The following TRIO variants were observed in gnomAD, a reference collection of about 807,000 sequenced individuals.
The protein encoded by TRIO is triple functional domain protein.
Under a neutral mutation model 351.9 loss-of-function variants are expected in TRIO, and 58 were observed. That is an observed-to-expected ratio of 0.16 (90% CI 0.13 to 0.21). The LOEUF is 0.21. TRIO is among the 10% of genes least tolerant of loss of function. The pLI is 1.00. For missense variants in TRIO, 3,201 were observed against 4,027.8 expected (o/e 0.79, Z 5.56); for synonymous variants, 1,758 against 1,595.7 (o/e 1.10, Z -2.42).
chr5:14,479,192 C>A, intron 41 of TRIO, 69 bp from the exon 42 acceptor site: 1 of 1,286,250 alleles, frequency 7.8e-7, no homozygotes, highest in Non-Finnish European at 1.1e-6. Context: ...CTGAAATGTG[C>A]GGGTACTCGT....
chr5:14,290,280 C>T (rs558907436), intron 4 of TRIO, among the ~76,000 whole-genome samples: 8 of 152,294 alleles, frequency 5.3e-5, no homozygotes, highest in African/African-American at 1.4e-4. Flanking sequence ...TAGTAGAAAA[C>T]CTCCACAGAG....
At chr5:14,241,065 C>A (rs1794098211) in intron 1 of TRIO, among the ~76,000 whole-genome samples, 1 of 152,128 alleles carries the variant, frequency 6.6e-6, no homozygotes, top group Non-Finnish European at 1.5e-5. Context: ...AAAAATGCTA[C>A]TTTGATTCTC....
intron 8 of TRIO, among the ~76,000 whole-genome samples, chr5:14,315,840 T>A (rs1739337717): frequency 6.6e-6 from 1 of 152,252 alleles, no homozygotes; most frequent in Non-Finnish European, 1.5e-5. Flanking sequence ...ACCCGAATAC[T>A]TTCATTTAAT....
Position 14,508,196 on chromosome 5 carries a change from C to T in TRIO, c.9068C>T (p.Ala3023Val), listed in dbSNP as rs1215074455. Reference sequence around the variant, plus strand: ...TACTTTAAAGGAGTGAGCCAGAAGGCCAAGGAGTTCGTGTGCTTCCTCCTG... The same window carrying T: ...TACTTTAAAGGAGTGAGCCAGAAGGTCAAGGAGTTCGTGTGCTTCCTCCTG... ...DDYFKGVSQK[A>V]KEFVCFLLQE... The change falls in exon 57 of 57, where the codon GCC becomes GTC. Residue 3023 changes from alanine (A) to valine (V), a missense_variant. Ala to Val is a moderately conservative substitution (Grantham distance 64). Around this residue, in one of 19 missense-constraint regions of TRIO, gnomAD observed 233 missense variants for 292.6 expected, o/e 0.80. Coordinates refer to ENST00000344204, the MANE Select transcript of TRIO (RefSeq NM_007118.4). 1.2e-6 allele frequency: 2 copies of T among 1,613,978 alleles called. No individual in the cohort carries two copies. The highest frequency in any genetic ancestry group is 2.2e-5 in the South Asian group (2 of 91,092).
At position 14,359,369 on chromosome 5, in the gene TRIO, C is replaced by G. The variant is rs917571624; in HGVS notation, c.2229C>G (p.Ile743Met). The change falls in exon 13 of 57, where the codon ATC (isoleucine) becomes ATG (methionine). Residue 743 changes from isoleucine to methionine, a missense_variant. Around this residue, in one of 19 missense-constraint regions of TRIO, gnomAD observed 363 missense variants for 553.5 expected, o/e 0.66. Transcript: ENST00000344204. The part of the protein sequence containing the change: ...DLIQQLRDSA[I>M]SSNKTPHNSS... ...TGTGCTCTCGCAGGGACTCTGCCAT[C>G]TCCAGTAACAAGACCCCCCACAACA... 1 of 1,612,984 alleles carries G rather than the reference C, an allele frequency of 6.2e-7. No homozygotes were observed. The highest frequency in any genetic ancestry group is 8.5e-7 in the Non-Finnish European group (1 of 1,179,096).
At position 14,157,079 on chromosome 5, in the gene TRIO, A is replaced by T. The variant is rs146042124; in HGVS notation, c.157+13197A>T. The stretch of plus-strand genomic sequence containing the variant: ...GCCAGTGAGAATGGGTGTGTAGAGG[A>T]GGATGGGTCGAGCGGACCTTTCTCA... On this transcript the variant is annotated intron_variant, in intron 1 of 56. Coordinates refer to ENST00000344204, the MANE Select transcript of TRIO (RefSeq NM_007118.4). Among the ~76,000 whole-genome samples the T allele has an allele frequency of 5.4e-3, 809 of 148,868 alleles. 13 individuals carry two copies. Among genetic ancestry groups the T allele is most frequent in the African/African-American group, 0.019 (766 of 40,436 alleles).
chr5:14,219,872 C>T (rs1273647388), intron 1 of TRIO, among the ~76,000 whole-genome samples: 1 of 151,678 alleles, frequency 6.6e-6, no homozygotes, highest in Non-Finnish European at 1.5e-5. Flanking sequence ...CTAAAAGATG[C>T]CCTAAAATAG....
chr5:14,143,537 C>G lies in TRIO; in HGVS notation c.-189C>G, dbSNP rs1448154597. Reference sequence around the variant, plus strand: ...GCTCGCGGCTACCGGGCGGAGTCCTCGTCTATGTGGGCGCGCTCCTTGGGC... The same window carrying G: ...GCTCGCGGCTACCGGGCGGAGTCCTGGTCTATGTGGGCGCGCTCCTTGGGC... On this transcript the variant is annotated 5_prime_UTR_variant, in exon 1 of 57. Transcript: ENST00000344204. 6.8e-6 allele frequency among the ~76,000 whole-genome samples: 1 copy of G among 147,280 alleles called. No individual in the cohort carries two copies.
At position 14,388,662 on chromosome 5, in the gene TRIO, C is replaced by G. The variant is rs1366279708; in HGVS notation, c.3931C>G (p.Leu1311Val). The change falls in exon 24 of 57, where the codon CTC becomes GTC. Residue 1311 changes from leucine to valine, a missense_variant. Leu to Val is a conservative substitution (Grantham distance 32). Around this residue, in one of 19 missense-constraint regions of TRIO, gnomAD observed 115 missense variants for 239.6 expected, o/e 0.48. Transcript: ENST00000344204. ...IQTEKAYVRD[L>V]RECMDTYLWE... ...AACTGAAAAGGCTTATGTAAGAGAC[C>G]TCCGGGAATGTATGGATGTAAGTAA... 17 of 1,611,660 alleles carry G rather than the reference C, an allele frequency of 1.1e-5. No individual in the cohort carries two copies. The highest frequency in any genetic ancestry group is 1.4e-5 in the Non-Finnish European group (17 of 1,179,536).
intron 1 of TRIO, among the ~76,000 whole-genome samples, chr5:14,193,780 A>G (rs772089403): frequency 2.6e-5 from 4 of 152,176 alleles, no homozygotes; most frequent in Non-Finnish European, 5.9e-5. Context: ...ATTTACGCGA[A>G]ACTGGAGAAT....
chr5:14,287,985 C>T (rs1391619375), intron 4 of TRIO, among the ~76,000 whole-genome samples: 1 of 152,148 alleles, frequency 6.6e-6, no homozygotes, highest in Non-Finnish European at 1.5e-5. Flanking sequence ...AGGTGTATTA[C>T]TTGGATTTTT....
chr5:14,508,607 G>T lies in TRIO; in HGVS notation c.*185G>T. The T allele has an allele frequency of 1.4e-6, 1 of 698,242 alleles. No individual in the cohort carries two copies. The allele number at this position is 698,242 out of a possible 1,614,324, so 43.3% of individuals were successfully genotyped here. On this transcript the variant is annotated 3_prime_UTR_variant, in exon 57 of 57. Transcript: ENST00000344204. ...AGCTGCAAGCTGCGCTGGGGTGGAG[G>T]ACCGTCACTTACACTCTGCCCAAGG...
At chr5:14,224,037 A>C (rs1792821652) in intron 1 of TRIO, among the ~76,000 whole-genome samples, 2 of 152,174 alleles carry the variant, frequency 1.3e-5, no homozygotes, top group African/African-American at 4.8e-5. Context: ...TTTCAAGCAG[A>C]GATTGCAGCC....
intron 31 of TRIO, among the ~76,000 whole-genome samples, chr5:14,404,403 G>A (rs998204064): frequency 2.6e-5 from 4 of 151,746 alleles, no homozygotes; most frequent in Admixed American, 6.6e-5. Flanking sequence ...TTTTTTCCTC[G>A]TTTAATTTCT....
chr5:14,358,482 G>A, intron 12 of TRIO, 135 bp downstream of exon 12: 1 of 967,628 alleles, frequency 1.0e-6, no homozygotes. Flanking sequence ...GTCTGTGAAG[G>A]CAAAGGAGAG....
chr5:14,386,951 T>C lies in TRIO; in HGVS notation c.3571-487T>C, dbSNP rs368280949. On this transcript the variant is annotated intron_variant, in intron 21 of 56. Transcript: ENST00000344204. ...GAGGAATTTTGTTGAGTGCCTGCTGTGGGGACAGCCGTGGCCACACATGCT... is the reference window on the plus strand; with the variant it reads ...GAGGAATTTTGTTGAGTGCCTGCTGCGGGGACAGCCGTGGCCACACATGCT... Among the ~76,000 whole-genome samples the C allele has an allele frequency of 1.1e-4, 16 of 152,306 alleles. 1 individual carries two copies. The highest frequency in any genetic ancestry group is 6.8e-3 in the Middle Eastern group (2 of 294).
At chr5:14,454,888 C>A (rs112612702) in intron 34 of TRIO, among the ~76,000 whole-genome samples, 7,418 of 152,262 alleles carry the variant, frequency 0.049, 579 homozygotes, top group African/African-American at 0.17. Context: ...TTTGGAGTTT[C>A]TTCCTTTTGG....
chr5:14,160,291 G>A (rs1193545782), intron 1 of TRIO, among the ~76,000 whole-genome samples: 1 of 152,196 alleles, frequency 6.6e-6, no homozygotes, highest in Non-Finnish European at 1.5e-5. Flanking sequence ...AGTGCCTCCC[G>A]CCGGGGGGTG....
At chr5:14,246,338 A>G (rs919954154) in intron 1 of TRIO, among the ~76,000 whole-genome samples, 1 of 152,194 alleles carries the variant, frequency 6.6e-6, no homozygotes, top group Non-Finnish European at 1.5e-5. Flanking sequence ...TGGGAGGTAC[A>G]TGTGTTTGTG....
Sources: allele counts gnomAD v4.1 joint callset (sites outside exome capture counted in the v4.1 genomes callset), GRCh38; gene constraint gnomAD v4.1.1; regional missense constraint gnomAD v4.1.1; transcripts MANE v1.5; gene names NCBI Gene and HGNC (gene_info 2026-07-23, HGNC 2026-07-21).